GRID1: variants seen among roughly 807,000 people sequenced by gnomAD.
The protein encoded by GRID1 is glutamate ionotropic receptor delta type subunit 1, also known as glutamate receptor ionotropic, delta-1.
In GRID1, 28 loss-of-function variants were observed where a neutral mutation model predicts 98.0. That is an observed-to-expected ratio of 0.29 (90% CI 0.21 to 0.39). The LOEUF (loss-of-function observed/expected upper bound fraction) is 0.39. Among genes scored for constraint, GRID1 ranks in the 10% least tolerant of loss-of-function variants. The pLI is 1.00. For missense variants in GRID1, 1,111 were observed against 1,340.5 expected, an observed-to-expected ratio of 0.83 and a Z score of 2.67; for synonymous variants, 553 against 538.5, an observed-to-expected ratio of 1.03 and a Z score of -0.37.
At chr10:86,253,714 G>T (rs1846872263) in intron 2 of GRID1, among the ~76,000 whole-genome samples, 3 of 152,188 alleles carry the variant, frequency 2.0e-5, no homozygotes, top group Admixed American at 2.0e-4. Flanking sequence ...GGGAGCTGGA[G>T]CCACCTTCAG....
In GRID1 at chr10:85,737,673, T is replaced by TATATATAA. The variant is rs1342754070; in HGVS notation, c.1234-8060_1234-8059insTTATATAT. Among the ~76,000 whole-genome samples the TATATATAA allele has an allele frequency of 1.5e-3, 166 of 113,000 alleles. 7 individuals carry two copies. Among genetic ancestry groups the TATATATAA allele is most frequent in the Middle Eastern group, 5.7e-3 (1 of 176 alleles). The allele number at this position is 113,000 out of a possible 152,430, so 74.1% of individuals were successfully genotyped here. A position where few individuals can be genotyped will look rare whatever the true frequency, so the allele number is the denominator to read the frequency against. On this transcript the variant is annotated intron_variant, in intron 8 of 15. Coordinates refer to ENST00000327946, the MANE Select transcript of GRID1 (RefSeq NM_017551.3). ...ATATATATATATATATATATATATA[T>TATATATAA]AAACATATATGGTTATATATATATA...
intron 2 of GRID1, among the ~76,000 whole-genome samples, chr10:86,220,235 C>T (rs1321394598): frequency 2.6e-5 from 4 of 152,106 alleles, no homozygotes; most frequent in South Asian, 2.1e-4. Context: ...GTGCAGAGGA[C>T]GCCGATTGAC....
At chr10:85,705,581 G>C (rs139062409) in intron 12 of GRID1, among the ~76,000 whole-genome samples, 191 of 152,228 alleles carry the variant, frequency 1.3e-3, no homozygotes, top group East Asian at 4.4e-3. Context: ...CAATAGAAAA[G>C]GAGGGAATCT....
At chr10:85,666,347 G>A (rs978820636) in intron 12 of GRID1, among the ~76,000 whole-genome samples, 54 of 152,136 alleles carry the variant, frequency 3.5e-4, no homozygotes, top group African/African-American at 1.3e-3. Context: ...TGTTTCTCAG[G>A]GGCCAGCTCT....
chr10:85,763,321 G>A (rs752659407), intron 8 of GRID1, among the ~76,000 whole-genome samples: 1 of 152,188 alleles, frequency 6.6e-6, no homozygotes, highest in Non-Finnish European at 1.5e-5. Context: ...ACGAGGAAGA[G>A]CAAGCAATAC....
At chr10:85,894,027 G>C (rs1425585830) in intron 5 of GRID1, among the ~76,000 whole-genome samples, 4 of 152,130 alleles carry the variant, frequency 2.6e-5, no homozygotes. Flanking sequence ...AACAGGACAA[G>C]GTACAGAACT....
chr10:86,010,587 G>C (rs190112254), intron 4 of GRID1, among the ~76,000 whole-genome samples: 105 of 152,272 alleles, frequency 6.9e-4, no homozygotes, highest in African/African-American at 2.3e-3. Flanking sequence ...GGGAGGCCGA[G>C]GAGAATGGAT....
chr10:85,669,429 T>C (rs751944093), intron 12 of GRID1, among the ~76,000 whole-genome samples: 1 of 152,202 alleles, frequency 6.6e-6, no homozygotes, highest in Non-Finnish European at 1.5e-5. Context: ...AGGATGGGCA[T>C]AAAAGGCAGA....
At chr10:85,843,511 G>T (rs993282991) in intron 8 of GRID1, among the ~76,000 whole-genome samples, 1 of 151,926 alleles carries the variant, frequency 6.6e-6, no homozygotes, top group African/African-American at 2.4e-5. Context: ...AATACAAATT[G>T]CAATAAAATG....
chr10:86,083,081 G>C (rs576453565), intron 4 of GRID1, among the ~76,000 whole-genome samples: 1 of 152,254 alleles, frequency 6.6e-6, no homozygotes, highest in South Asian at 2.1e-4. Flanking sequence ...GCTCAGTAAA[G>C]TCTGTGAAAT....
At chr10:86,258,360 T>C (rs2132053456) in intron 2 of GRID1, among the ~76,000 whole-genome samples, 1 of 152,334 alleles carries the variant, frequency 6.6e-6, no homozygotes, top group African/African-American at 2.4e-5. Context: ...CAAGAAACCA[T>C]ACCAGTGAAA....
chr10:86,142,518 C>A (rs559692155), intron 3 of GRID1, among the ~76,000 whole-genome samples: 1 of 152,374 alleles, frequency 6.6e-6, no homozygotes, highest in South Asian at 2.1e-4. Context: ...GTCCTCACTG[C>A]CCATGGCCTT....
At chr10:85,945,232 A>G (rs1179509796) in intron 4 of GRID1, among the ~76,000 whole-genome samples, 2 of 152,266 alleles carry the variant, frequency 1.3e-5, no homozygotes, top group East Asian at 3.8e-4. Flanking sequence ...AGAAGAAATA[A>G]ATGATTTTAA....
intron 4 of GRID1, among the ~76,000 whole-genome samples, chr10:86,107,960 A>G (rs1844417740): frequency 6.6e-6 from 1 of 152,180 alleles, no homozygotes; most frequent in South Asian, 2.1e-4. Flanking sequence ...GTGTGATCCA[A>G]TTCTTCCAGT....
intron 4 of GRID1, among the ~76,000 whole-genome samples, chr10:85,937,503 C>T (rs576287473): frequency 6.6e-6 from 1 of 152,344 alleles, no homozygotes; most frequent in South Asian, 2.1e-4. Context: ...CCTGTCTCAT[C>T]TCAGTCTTAT....
chr10:85,821,516 CAAAAAAAAAAAAAAAAAAA>C (rs1157209045), intron 8 of GRID1, among the ~76,000 whole-genome samples: 4 of 9,114 alleles, frequency 4.4e-4, no homozygotes, highest in Non-Finnish European at 8.1e-4. Context: ...GACTTCATCT[CAAAAAAAAAAAAAAAAAAA>C]AAAAAAAAAA....
chr10:86,067,219 T>C (rs987301320), intron 4 of GRID1, among the ~76,000 whole-genome samples: 5 of 152,194 alleles, frequency 3.3e-5, no homozygotes, highest in African/African-American at 1.2e-4. Flanking sequence ...AAATGCTGAT[T>C]AGAGGCGGCT....
intron 2 of GRID1, among the ~76,000 whole-genome samples, chr10:86,339,296 G>A (rs1003967372): frequency 6.6e-6 from 1 of 152,208 alleles, no homozygotes; most frequent in East Asian, 1.9e-4. Context: ...AGGAGGTATG[G>A]GGTGAGAGAA....
intron 4 of GRID1, among the ~76,000 whole-genome samples, chr10:85,984,521 G>T (rs1189186240): frequency 6.6e-6 from 1 of 152,184 alleles, no homozygotes; most frequent in Non-Finnish European, 1.5e-5. Context: ...CAGGTGGAAT[G>T]GGCCTGTGTC....
Sources: allele counts gnomAD v4.1 joint callset (sites outside exome capture counted in the v4.1 genomes callset), GRCh38; gene constraint gnomAD v4.1.1; transcripts MANE v1.5; gene names NCBI Gene and HGNC (gene_info 2026-07-23, HGNC 2026-07-21).